The following SEPTIN7 variants were observed in gnomAD, a reference collection of about 807,000 sequenced individuals.
SEPTIN7 encodes the protein septin-7.
Under a neutral mutation model 63.3 loss-of-function variants are expected in SEPTIN7, and 10 were observed. The ratio of observed to expected loss-of-function variants is 0.16; its 90% CI spans 0.10 to 0.27. The LOEUF (loss-of-function observed/expected upper bound fraction) is 0.27, where lower values mean the gene tolerates loss of function less well. SEPTIN7 is among the 10% of genes least tolerant of loss of function. The probability of loss-of-function intolerance (pLI) is 1.00; values close to 1 mark genes in which losing one functional copy is unlikely to be tolerated. For missense variants in SEPTIN7, 310 were observed against 521.0 expected (o/e 0.59, Z 3.94); for synonymous variants, 131 against 165.3 (o/e 0.79, Z 1.59).
intron 3 of SEPTIN7, among the ~76,000 whole-genome samples, chr7:35,860,716 G>C (rs926562629): frequency 4.6e-5 from 7 of 152,186 alleles, no homozygotes; most frequent in African/African-American, 1.7e-4. Context: ...TTGGCTTATA[G>C]TCTTATTTGA....
At chr7:35,801,309 G>A in intron 1 of SEPTIN7, 39 bp downstream of exon 1, 1 of 1,514,898 alleles carries the variant, frequency 6.6e-7, no homozygotes, top group Non-Finnish European at 8.8e-7. Context: ...TGGGGTCAGC[G>A]GCTCCGAATG....
intron 10 of SEPTIN7, among the ~76,000 whole-genome samples, chr7:35,887,046 T>C (rs1271252285): frequency 1.3e-5 from 2 of 152,214 alleles, no homozygotes; most frequent in Non-Finnish European, 2.9e-5. Flanking sequence ...GGTCATCTTC[T>C]GGGTTTTGAG....
At chr7:35,894,347 A>G (rs1023993043) in intron 11 of SEPTIN7, among the ~76,000 whole-genome samples, 4 of 152,218 alleles carry the variant, frequency 2.6e-5, no homozygotes, top group South Asian at 4.2e-4. Context: ...TCTGTTCTCT[A>G]TAGCCTTCTC....
In SEPTIN7 at chr7:35,863,614, C is replaced by T. The variant is rs199739906; in HGVS notation, c.232C>T (p.Pro78Ser). 1,026 of 1,587,042 alleles carry T rather than the reference C, an allele frequency of 6.5e-4. No individual in the cohort carries two copies. Among genetic ancestry groups the T allele is most frequent in the Non-Finnish European group, 8.3e-4 (978 of 1,172,166 alleles). The change falls in exon 4 of 14, where the codon CCA becomes TCA. Residue 78 changes from proline to serine, a missense_variant. Physicochemically the swap from Pro to Ser is moderately conservative, Grantham distance 74 (BLOSUM62 -1). Around this residue, in one of 2 missense-constraint regions of SEPTIN7, gnomAD observed 255 missense variants for 490.5 expected, o/e 0.52. Transcript: ENST00000350320. ...ATTATTCCTCACAGATTTGTATTCT[C>T]CAGAGTATCCAGGTCCTTCTCATAG... The part of the protein sequence containing the change: ...NSLFLTDLYS[P>S]EYPGPSHRIK...
intron 5 of SEPTIN7, 68 bp from the exon 6 acceptor site, chr7:35,873,573 T>C: frequency 6.8e-7 from 1 of 1,468,046 alleles, no homozygotes; most frequent in Admixed American, 2.3e-5. Context: ...CTGATTATTG[T>C]CCTTTAACAG....
At position 35,893,203 on chromosome 7, in the gene SEPTIN7, A is replaced by G. The variant is rs894864441; in HGVS notation, c.998+2410A>G. 1.3e-4 allele frequency among the ~76,000 whole-genome samples: 16 copies of G among 127,916 alleles called. 1 individual carries two copies. In the East Asian group the frequency reaches 2.1e-3, roughly 17 times the overall value. The allele number at this position is 127,916 out of a possible 152,430, so 83.9% of individuals were successfully genotyped here. ...TAGGTGTGAGTTTAGGCTTCTTTTA[A>G]TGTTCTTTTTGTATTGCTCTCATGT... On this transcript the variant is annotated intron_variant, in intron 11 of 13. Coordinates refer to ENST00000350320, the MANE Select transcript of SEPTIN7 (RefSeq NM_001788.6).
intron 6 of SEPTIN7, among the ~76,000 whole-genome samples, chr7:35,875,238 G>A (rs1786399715): frequency 1.3e-5 from 2 of 152,120 alleles, no homozygotes; most frequent in Admixed American, 1.3e-4. Context: ...GTCACAAGGG[G>A]TAAGATGTTT....
rs565335596 is a variant in SEPTIN7, at chr7:35,815,599, G to A, written c.61+14329G>A. Among the ~76,000 whole-genome samples the A allele has an allele frequency of 3.3e-5, 5 of 152,052 alleles. No homozygotes were observed. In the South Asian group the frequency reaches 8.3e-4, roughly 25 times the overall value. On this transcript the variant is annotated intron_variant, in intron 1 of 13. Transcript: ENST00000350320. Reference sequence around the variant, plus strand: ...TCAGAACTATGTAATATGCTTACTTGCTAGAGTATATTTGTGTATGCTTTT... The same window carrying A: ...TCAGAACTATGTAATATGCTTACTTACTAGAGTATATTTGTGTATGCTTTT...
chr7:35,891,481 A>G (rs1787641778), intron 11 of SEPTIN7, among the ~76,000 whole-genome samples: 1 of 152,192 alleles, frequency 6.6e-6, no homozygotes, highest in Non-Finnish European at 1.5e-5. Context: ...ACTGAATGTT[A>G]TAGACAGTTG....
intron 11 of SEPTIN7, among the ~76,000 whole-genome samples, chr7:35,897,243 A>G (rs1016025015): frequency 3.9e-5 from 6 of 152,228 alleles, no homozygotes. Context: ...CAAAACAAGC[A>G]TGCTTTATTA....
At chr7:35,887,740 G>A (rs994764650) in intron 10 of SEPTIN7, among the ~76,000 whole-genome samples, 1 of 152,202 alleles carries the variant, frequency 6.6e-6, no homozygotes, top group African/African-American at 2.4e-5. Context: ...AATTGACCAT[G>A]CCTGCAGGAA....
rs79294044 is a variant in SEPTIN7 at position 35,833,773 on chromosome 7, C to A, written c.169+873C>A. Among the ~76,000 whole-genome samples the A allele has an allele frequency of 2.7e-3, 407 of 151,898 alleles. 2 individuals carry two copies. Among genetic ancestry groups the A allele is most frequent in the African/African-American group, 9.4e-3 (390 of 41,480 alleles). On this transcript the variant is annotated intron_variant, in intron 3 of 13. Coordinates refer to ENST00000350320, the MANE Select transcript of SEPTIN7 (RefSeq NM_001788.6). Reference sequence around the variant, plus strand: ...TTTAGGTAGTATACATTTTTGTTAACTATGTTTCAACATCTAGTATTTTTA... The same window carrying A: ...TTTAGGTAGTATACATTTTTGTTAAATATGTTTCAACATCTAGTATTTTTA...
At chr7:35,854,118 A>T (rs1481589122) in intron 3 of SEPTIN7, among the ~76,000 whole-genome samples, 1 of 152,146 alleles carries the variant, frequency 6.6e-6, no homozygotes. Flanking sequence ...AGGGATGCTG[A>T]ACTGATGAGC....
At chr7:35,897,500 A>T (rs1425211917) in intron 11 of SEPTIN7, among the ~76,000 whole-genome samples, 2 of 151,654 alleles carry the variant, frequency 1.3e-5, no homozygotes, top group African/African-American at 4.9e-5. Context: ...CAACGTCAAC[A>T]GAGTGAACAT....
Position 35,904,548 on chromosome 7 carries a change from T to C in SEPTIN7, c.*255T>C, listed in dbSNP as rs1476286535. ...TTCTTTTTTTATTAAACAGATATCT[T>C]CAGTTTAATGCAAGAGAACATTTTA... is the stretch of plus-strand genomic sequence containing the variant. On this transcript the variant is annotated 3_prime_UTR_variant, in exon 14 of 14. Coordinates refer to ENST00000350320, the MANE Select transcript of SEPTIN7 (RefSeq NM_001788.6). 9.9e-6 allele frequency: 3 copies of C among 302,802 alleles called. No individual in the cohort carries two copies. Among genetic ancestry groups the C allele is most frequent in the African/African-American group, 4.3e-5 (2 of 46,480 alleles). The allele number at this position is 302,802 out of a possible 1,614,324, so 18.8% of individuals were successfully genotyped here.
chr7:35,805,326 C>T (rs1403986548), intron 1 of SEPTIN7, among the ~76,000 whole-genome samples: 1 of 151,956 alleles, frequency 6.6e-6, no homozygotes, highest in African/African-American at 2.4e-5. Flanking sequence ...GTTGACCAAA[C>T]GTTGGACATA....
At chr7:35,860,808 G>A (rs1050347954) in intron 3 of SEPTIN7, among the ~76,000 whole-genome samples, 5 of 152,270 alleles carry the variant, frequency 3.3e-5, no homozygotes, top group South Asian at 2.1e-4. Context: ...GATTGTAATC[G>A]TGTTGGTATT....
chr7:35,842,543 A>T (rs1393251544), intron 3 of SEPTIN7, among the ~76,000 whole-genome samples: 1 of 152,166 alleles, frequency 6.6e-6, no homozygotes, highest in African/African-American at 2.4e-5. Context: ...AAACTTTCTG[A>T]AATATAATTG....
intron 1 of SEPTIN7, among the ~76,000 whole-genome samples, chr7:35,815,479 C>T (rs1178726093): frequency 6.6e-6 from 1 of 152,150 alleles, no homozygotes; most frequent in South Asian, 2.1e-4. Context: ...TTTCTCTTTT[C>T]CTTGTAACTC....
Sources: gnomAD v4.1 joint callset for allele counts (sites outside exome capture counted in the v4.1 genomes callset) on GRCh38, gnomAD v4.1.1 for gene constraint, gnomAD v4.1.1 regional missense constraint, MANE v1.5 for transcripts, NCBI Gene and HGNC (gene_info 2026-07-23, HGNC 2026-07-21) for gene names.